The following UBAP2L variants were observed in gnomAD, a reference collection of about 807,000 sequenced individuals.
The protein encoded by UBAP2L is ubiquitin associated protein 2 like, also known as ubiquitin-associated protein 2-like.
In UBAP2L, 12 loss-of-function variants were observed where a neutral mutation model predicts 130.6. The observed-to-expected ratio is 0.09, with a 90% confidence interval of 0.06 to 0.15. UBAP2L has a LOEUF of 0.15. UBAP2L is among the 10% of genes least tolerant of loss of function. The probability of loss-of-function intolerance (pLI) is 1.00; values close to 1 mark genes in which losing one functional copy is unlikely to be tolerated. For missense variants in UBAP2L, 965 were observed against 1,332.5 expected (o/e 0.72, Z 4.29); for synonymous variants, 503 against 524.7 (o/e 0.96, Z 0.57).
At chr1:154,258,713 G>A (rs1680503060) in intron 20 of UBAP2L, 1 of 329,788 alleles carries the variant, frequency 3.0e-6, no homozygotes, top group Admixed American at 4.8e-5. Flanking sequence ...TGTATGTTTT[G>A]TGTCTACTCT....
At chr1:154,220,729 GC>G (rs1665607615), upstream of UBAP2L, 6 of 364,030 alleles carry the variant, frequency 1.6e-5, no homozygotes, top group Non-Finnish European at 3.1e-5. Flanking sequence ...AGGCAGGGCC[GC>G]CGTGAAGGAG....
At chr1:154,246,070 A>C in intron 10 of UBAP2L, 134 bp from the exon 11 acceptor site, 2 of 823,740 alleles carry the variant, frequency 2.4e-6, no homozygotes, top group South Asian at 2.2e-5. Context: ...TAAGCATTTC[A>C]AGGCTTTTGT....
chr1:154,266,407 A>G (rs1683249809), intron 24 of UBAP2L, 94 bp from the exon 25 acceptor site: 1 of 1,332,724 alleles, frequency 7.5e-7, no homozygotes, highest in Middle Eastern at 1.8e-4. Flanking sequence ...TTGCATTGGT[A>G]TAGCTAGAAA....
rs888728890 is a variant in UBAP2L, at chr1:154,258,989, G to T, written c.2455G>T (p.Gly819Cys). ...CTGTATCTTTCAGCCACAAGTATAT[G>T]GTTATGATGACTTGCAGATGCTTCA... is the stretch of plus-strand genomic sequence containing the variant. Reference protein sequence around the residue: ...LLHAYPPQVYGYDDLQMLQTR... With the variant: ...LLHAYPPQVYCYDDLQMLQTR... The change falls in exon 21 of 27, where the codon GGT becomes TGT. Residue 819 changes from glycine (G) to cysteine (C), a missense_variant. By Grantham distance (159) the Gly-to-Cys change is radical. This residue lies in a region of UBAP2L where 393 missense variants were observed against 408.1 expected (regional missense o/e 0.96). Coordinates refer to ENST00000428931, the MANE Select transcript of UBAP2L (RefSeq NM_014847.4). The T allele has an allele frequency of 6.2e-7, 1 of 1,613,926 alleles. No individual in the cohort carries two copies. Among genetic ancestry groups the T allele is most frequent in the Non-Finnish European group, 8.5e-7 (1 of 1,179,898 alleles).
chr1:154,244,149 A>T (rs1459006116), intron 10 of UBAP2L, among the ~76,000 whole-genome samples: 3 of 152,036 alleles, frequency 2.0e-5, no homozygotes, highest in African/African-American at 7.3e-5. Context: ...AACCTCTTGG[A>T]TTTTTTCTAG....
intron 9 of UBAP2L, chr1:154,242,927 CTTTTA>C (rs1380088803): frequency 5.3e-6 from 1 of 188,274 alleles, no homozygotes; most frequent in Non-Finnish European, 1.1e-5. Context: ...GATTTTCTTT[CTTTTA>C]TTTTTTTTTT....
chr1:154,265,225 C>G (rs1682896868), intron 24 of UBAP2L, among the ~76,000 whole-genome samples: 2 of 152,198 alleles, frequency 1.3e-5, no homozygotes, highest in African/African-American at 4.8e-5. Context: ...CTTTGGAAGG[C>G]TGCCTTTGTC....
At chr1:154,244,278 C>G (rs1027409678) in intron 10 of UBAP2L, among the ~76,000 whole-genome samples, 5 of 152,172 alleles carry the variant, frequency 3.3e-5, no homozygotes, top group Non-Finnish European at 1.5e-5. Context: ...GTTCTGCCAG[C>G]CAGCTACAAA....
At chr1:154,224,590 G>A (rs999904144) in intron 1 of UBAP2L, among the ~76,000 whole-genome samples, 1 of 152,184 alleles carries the variant, frequency 6.6e-6, no homozygotes, top group African/African-American at 2.4e-5. Context: ...AAGCAATGGA[G>A]GTCACATGCA....
At chr1:154,222,236 A>T (rs1365413649) in intron 1 of UBAP2L, among the ~76,000 whole-genome samples, 1 of 152,088 alleles carries the variant, frequency 6.6e-6, no homozygotes, top group Non-Finnish European at 1.5e-5. Context: ...CTGGGAGGTG[A>T]TGGACATTAC....
rs1679095663 is a variant in UBAP2L at position 154,254,894 on chromosome 1, A to G, written c.1909+4A>G. ...CAGACCACACAATCTGTTGAAGGTG[A>G]GTGTTCTTCAGGCTTTTCCCCTCCT... On this transcript the variant is annotated splice_donor_region_variant and intron_variant, in intron 16 of 26. Transcript: ENST00000428931. 2 of 1,596,324 alleles carry G rather than the reference A, an allele frequency of 1.3e-6. No individual in the cohort carries two copies. The highest frequency in any genetic ancestry group is 2.2e-5 in the East Asian group (1 of 44,762).
chr1:154,270,567 C>G lies in UBAP2L; in HGVS notation c.*272C>G, dbSNP rs1328116991. The G allele has an allele frequency of 1.6e-5, 23 of 1,422,362 alleles. No individual in the cohort carries two copies. Among genetic ancestry groups the G allele is most frequent in the Non-Finnish European group, 1.9e-5 (21 of 1,092,814 alleles). 88.1% of individuals were successfully genotyped at this position (1,422,362 alleles called of 1,614,324 possible). A position where few individuals can be genotyped will look rare whatever the true frequency, so the allele number is the denominator to read the frequency against. On this transcript the variant is annotated 3_prime_UTR_variant, in exon 27 of 27. Coordinates refer to ENST00000428931, the MANE Select transcript of UBAP2L (RefSeq NM_014847.4). ...AAGATTATGAAACTTTGCTATGGGC[C>G]CTGCACTTCCTTTGCTTCCTCCTGT...
At position 154,228,062 on chromosome 1, in the gene UBAP2L, T is replaced by C. The variant is rs60698596; in HGVS notation, c.169-553T>C. Among the ~76,000 whole-genome samples, 823 of 152,268 alleles carry C rather than the reference T, an allele frequency of 5.4e-3. 10 individuals carry two copies. The highest frequency in any genetic ancestry group is 0.019 in the African/African-American group (777 of 41,564). On this transcript the variant is annotated intron_variant, in intron 3 of 26. Transcript: ENST00000428931. Reference sequence around the variant, plus strand: ...TGACCTCATCCCTGAACCACAGATGTTAATATTTGGCTTTTGGAAATAGAA... The same window carrying C: ...TGACCTCATCCCTGAACCACAGATGCTAATATTTGGCTTTTGGAAATAGAA...
At chr1:154,266,354 C>T (rs933139520) in intron 24 of UBAP2L, 147 bp from the exon 25 acceptor site, 4 of 773,322 alleles carry the variant, frequency 5.2e-6, no homozygotes, top group South Asian at 1.5e-5. Context: ...GAACTCTTAC[C>T]TCTCAGGACT....
At chr1:154,222,552 A>G (rs1558104055) in intron 1 of UBAP2L, among the ~76,000 whole-genome samples, 1 of 152,210 alleles carries the variant, frequency 6.6e-6, no homozygotes. Flanking sequence ...CCTCCTTGCT[A>G]TGTCCTAACT....
chr1:154,221,318 A>AT (rs1665961610), intron 1 of UBAP2L: 1 of 153,050 alleles, frequency 6.5e-6, no homozygotes, highest in Non-Finnish European at 1.5e-5. Flanking sequence ...AGCCGTAGGA[A>AT]GGGGGGGCCA....
intron 25 of UBAP2L, among the ~76,000 whole-genome samples, chr1:154,268,047 G>A (rs1418435459): frequency 2.0e-5 from 3 of 151,252 alleles, no homozygotes; most frequent in African/African-American, 7.3e-5. Flanking sequence ...GTGCCACCAT[G>A]CCCGGGTAAT....
At chr1:154,258,823 C>T in intron 20 of UBAP2L, 154 bp from the exon 21 acceptor site, 1 of 610,570 alleles carries the variant, frequency 1.6e-6, no homozygotes, top group Non-Finnish European at 2.9e-6. Context: ...TACTTTACTG[C>T]TTTTTCCTTA....
intron 1 of UBAP2L, among the ~76,000 whole-genome samples, chr1:154,222,803 A>G (rs1666712441): frequency 1.3e-5 from 2 of 152,122 alleles, no homozygotes; most frequent in African/African-American, 4.8e-5. Context: ...ATTCTCAATA[A>G]ATATTTGTTA....
Sources: gnomAD v4.1 joint callset for allele counts (sites outside exome capture counted in the v4.1 genomes callset) on GRCh38, gnomAD v4.1.1 for gene constraint, gnomAD v4.1.1 regional missense constraint, MANE v1.5 for transcripts, NCBI Gene and HGNC (gene_info 2026-07-23, HGNC 2026-07-21) for gene names.